PELI1: variants seen among roughly 807,000 people sequenced by gnomAD.
PELI1 encodes the protein pellino E3 ubiquitin protein ligase 1, also known as E3 ubiquitin-protein ligase pellino homolog 1.
Under a neutral mutation model 41.3 loss-of-function variants are expected in PELI1, and 15 were observed. The ratio of observed to expected loss-of-function variants is 0.36; its 90% CI spans 0.24 to 0.56. PELI1 has a LOEUF of 0.56. Ranked by LOEUF, PELI1 falls within the 20% of genes least tolerant of loss-of-function variation. The probability of loss-of-function intolerance (pLI) is 0.82; values close to 1 mark genes in which losing one functional copy is unlikely to be tolerated. For missense variants in PELI1, 403 were observed against 525.5 expected (o/e 0.77, Z 2.28); for synonymous variants, 178 against 180.1 (o/e 0.99, Z 0.09).
rs879155581 is a variant in PELI1, at chr2:64,108,156, C to CA, written c.71+83dup. Reference sequence around the variant, plus strand: ...TTGGAAGCAGGTAAGATATAAATTCCAAAAAAAAAAGTACTTTTAGCCTAG... The same window carrying CA: ...TTGGAAGCAGGTAAGATATAAATTCCAAAAAAAAAAAGTACTTTTAGCCTAG... On this transcript the variant is annotated intron_variant, in intron 2 of 6. Coordinates refer to ENST00000358912, the MANE Select transcript of PELI1 (RefSeq NM_020651.4). The CA allele has an allele frequency of 8.4e-3, 5,267 of 625,114 alleles. 4 individuals carry two copies. The highest frequency in any genetic ancestry group is 0.018 in the South Asian group (910 of 49,316). 38.7% of individuals were successfully genotyped at this position (625,114 alleles called of 1,614,324 possible).
At chr2:64,141,638 A>C (rs2103753570) in intron 1 of PELI1, among the ~76,000 whole-genome samples, 1 of 152,336 alleles carries the variant, frequency 6.6e-6, no homozygotes, top group African/African-American at 2.4e-5. Context: ...TTCTGAAATG[A>C]TAGAACTCTT....
intron 1 of PELI1, among the ~76,000 whole-genome samples, chr2:64,127,130 A>G (rs1681416200): frequency 6.6e-6 from 1 of 152,232 alleles, no homozygotes; most frequent in Admixed American, 6.5e-5. Flanking sequence ...CTTAACGCCT[A>G]TTAATTTGTA....
intron 1 of PELI1, among the ~76,000 whole-genome samples, chr2:64,119,128 T>G (rs1447125087): frequency 2.0e-5 from 3 of 152,102 alleles, no homozygotes; most frequent in Admixed American, 2.0e-4. Flanking sequence ...AGAGATGAGA[T>G]TCATAGTGTA....
chr2:64,095,993 A>T (rs1288692731), intron 6 of PELI1, 132 bp downstream of exon 6: 4 of 670,278 alleles, frequency 6.0e-6, no homozygotes, highest in Non-Finnish European at 7.6e-6. Flanking sequence ...TTTGGTAGTC[A>T]GTGTTTGATA....
rs1445021142 is a variant in PELI1, at chr2:64,093,993, C to T, written c.*709G>A. The T allele has an allele frequency of 6.6e-6, 1 of 152,504 alleles. No individual in the cohort carries two copies. The highest frequency in any genetic ancestry group is 1.9e-4 in the East Asian group (1 of 5,196). The allele number at this position is 152,504 out of a possible 1,614,324, so 9.4% of individuals were successfully genotyped here. ...TAAGTTTTTGTTATAGTACTACGCT[C>T]GAGAGAAACATTAAGAAAAAATCTT... On this transcript the variant is annotated 3_prime_UTR_variant, in exon 7 of 7. Transcript: ENST00000358912.
chr2:64,133,424 CAAAG>C (rs1681621510), intron 1 of PELI1, among the ~76,000 whole-genome samples: 1 of 152,056 alleles, frequency 6.6e-6, no homozygotes, highest in African/African-American at 2.4e-5. Context: ...GCTGAGATGA[CAAAG>C]AGATTTCATC....
intron 1 of PELI1, among the ~76,000 whole-genome samples, chr2:64,142,917 C>G (rs1007814185): frequency 1.3e-5 from 2 of 152,086 alleles, no homozygotes; most frequent in Non-Finnish European, 2.9e-5. Context: ...AAGTAAAGAG[C>G]CTGTGAACCG....
chr2:64,127,173 A>G (rs925081284), intron 1 of PELI1, among the ~76,000 whole-genome samples: 1 of 152,236 alleles, frequency 6.6e-6, no homozygotes, highest in African/African-American at 2.4e-5. Flanking sequence ...ACTTGTGCTG[A>G]TATTTATTAA....
chr2:64,100,939 A>T (rs1298445459), intron 3 of PELI1, among the ~76,000 whole-genome samples: 1 of 152,166 alleles, frequency 6.6e-6, no homozygotes, highest in Non-Finnish European at 1.5e-5. Flanking sequence ...CATGTTGCCC[A>T]GGCTGGTCTT....
intron 3 of PELI1, 150 bp from the exon 4 acceptor site, chr2:64,100,649 T>C (rs1680395290): frequency 1.5e-6 from 1 of 654,338 alleles, no homozygotes; most frequent in South Asian, 1.7e-5. Flanking sequence ...ATAACTCCTG[T>C]CAGCTGTGAC....
rs369004043 is a variant in PELI1, at chr2:64,094,752, C to A, written c.1207G>T (p.Ala403Ser). Residue 403 changes from alanine (A) to serine (S), a missense_variant, in exon 7 of 7, where the codon GCT becomes TCT. By Grantham distance (99) the Ala-to-Ser change is moderately conservative (BLOSUM62 1). Transcript: ENST00000358912. ...AGTCTGATGTAGCCTTGTTCACCAGCCAACTGATGTGCACAAAAGGGACAG... is the reference window on the plus strand; with the variant it reads ...AGTCTGATGTAGCCTTGTTCACCAGACAACTGATGTGCACAAAAGGGACAG... ...AACPFCAHQL[A>S]GEQGYIRLIF... The A allele has an allele frequency of 1.7e-5, 27 of 1,614,136 alleles. No individual in the cohort carries two copies. In the South Asian group the frequency reaches 3.0e-4, roughly 18 times the overall value.
intron 6 of PELI1, among the ~76,000 whole-genome samples, 190 bp downstream of exon 6, chr2:64,095,935 G>A (rs192170331): frequency 3.9e-4 from 60 of 152,252 alleles, no homozygotes; most frequent in African/African-American, 1.3e-3. Context: ...GAGCCACCGC[G>A]CCCGGCTACT....
At chr2:64,095,303 ACT>A in intron 6 of PELI1, 35 bp from the exon 7 acceptor site, 3 of 1,472,610 alleles carry the variant, frequency 2.0e-6, no homozygotes, top group Non-Finnish European at 2.8e-6. Context: ...CATATTCACC[ACT>A]CTGTTTTGGA....
intron 1 of PELI1, among the ~76,000 whole-genome samples, chr2:64,113,020 G>A (rs6741845): frequency 0.015 from 2,326 of 152,020 alleles, 52 homozygotes; most frequent in African/African-American, 0.052. Flanking sequence ...GCTCATGCCC[G>A]TAATCCCAGC....
At position 64,093,158 on chromosome 2, in the gene PELI1, T is replaced by C. The variant is rs1314815820; in HGVS notation, c.*1544A>G. ...TTTTAAAACAAGGAAGTTTCGACAG[T>C]TGAAGTAAAATAAAATAATTCATGG... On this transcript the variant is annotated 3_prime_UTR_variant, in exon 7 of 7. Transcript: ENST00000358912. 6.6e-6 allele frequency: 1 copy of C among 152,670 alleles called. No individual in the cohort carries two copies. Among genetic ancestry groups the C allele is most frequent in the Non-Finnish European group, 1.5e-5 (1 of 68,038 alleles). The allele number at this position is 152,670 out of a possible 1,614,324, so 9.5% of individuals were successfully genotyped here.
intron 1 of PELI1, among the ~76,000 whole-genome samples, chr2:64,122,368 A>G (rs950590162): frequency 2.9e-5 from 4 of 137,348 alleles, no homozygotes; most frequent in Non-Finnish European, 1.5e-5. Flanking sequence ...AAAACTCCAG[A>G]AAAAAAAACG....
At chr2:64,126,348 G>A (rs1681383063) in intron 1 of PELI1, among the ~76,000 whole-genome samples, 1 of 152,182 alleles carries the variant, frequency 6.6e-6, no homozygotes, top group Non-Finnish European at 1.5e-5. Context: ...ATTTTTAGTA[G>A]AGACGGGGTT....
At chr2:64,098,874 C>T (rs1034327497) in intron 4 of PELI1, among the ~76,000 whole-genome samples, 5 of 152,090 alleles carry the variant, frequency 3.3e-5, no homozygotes, top group Admixed American at 1.3e-4. Flanking sequence ...AGGTATAATA[C>T]CTGTAGAAAG....
At chr2:64,128,376 A>G (rs910621941) in intron 1 of PELI1, among the ~76,000 whole-genome samples, 1 of 152,166 alleles carries the variant, frequency 6.6e-6, no homozygotes, top group African/African-American at 2.4e-5. Context: ...TAATAATAAT[A>G]GTATTAAAAG....
Sources: gnomAD v4.1 joint callset for allele counts (sites outside exome capture counted in the v4.1 genomes callset) on GRCh38, gnomAD v4.1.1 for gene constraint, MANE v1.5 for transcripts, NCBI Gene and HGNC (gene_info 2026-07-23, HGNC 2026-07-21) for gene names.